The following MPP2 variants were observed in gnomAD, a reference collection of about 807,000 sequenced individuals.
MPP2 encodes the protein MAGUK p55 scaffold protein 2.
A neutral mutation model predicts 58.5 loss-of-function variants in MPP2; 42 were observed. The ratio of observed to expected loss-of-function variants is 0.72; its 90% CI spans 0.56 to 0.93. MPP2 has a LOEUF of 0.93. Ranked by LOEUF, MPP2 falls within the 40% of genes least tolerant of loss-of-function variation. The pLI, the probability that MPP2 is intolerant of heterozygous loss-of-function variation, is 0.00. For synonymous variants in MPP2, 300 were observed against 307.8 expected, an observed-to-expected ratio of 0.97 and a Z score of 0.26; for missense variants, 632 against 760.4, an observed-to-expected ratio of 0.83 and a Z score of 1.99.
chr17:43,881,057 G>C (rs2047090797), intron 9 of MPP2, 33 bp downstream of exon 9: 1 of 1,609,640 alleles, frequency 6.2e-7, no homozygotes, highest in Admixed American at 1.7e-5. Context: ...CCATGTTAGA[G>C]GAGGGTAAGG....
chr17:43,907,752 G>A (rs571687409), upstream of MPP2: 95 of 985,530 alleles, frequency 9.6e-5, 1 homozygote, highest in African/African-American at 1.5e-3. Context: ...GAAGGGTTAG[G>A]GAGGCAGGAC....
At chr17:43,902,542 C>G (rs2048136776) in intron 2 of MPP2, among the ~76,000 whole-genome samples, 1 of 152,200 alleles carries the variant, frequency 6.6e-6, no homozygotes, top group East Asian at 1.9e-4. Flanking sequence ...ACTGAGCCCT[C>G]TGATGCTGCA....
intron 2 of MPP2, among the ~76,000 whole-genome samples, chr17:43,900,941 A>G (rs2048073113): frequency 6.6e-6 from 1 of 151,788 alleles, no homozygotes; most frequent in African/African-American, 2.4e-5. Context: ...AGCCAGCTTC[A>G]GGAGACCCGA....
rs567753167 is a variant in MPP2, at chr17:43,882,810, T to C, written c.453+93A>G. Reference sequence around the variant, plus strand: ...CACAAAGCTGGCCCCATCTTCATCTTCAGACCACACTTGGCCTTTTTTGTC... The same window carrying C: ...CACAAAGCTGGCCCCATCTTCATCTCCAGACCACACTTGGCCTTTTTTGTC... On this transcript the variant is annotated intron_variant, in intron 5 of 12. Coordinates refer to ENST00000269095, the MANE Select transcript of MPP2 (RefSeq NM_005374.5). 4.8e-5 allele frequency: 76 copies of C among 1,568,982 alleles called. No homozygotes were observed. The African/African-American group carries it at 9.2e-4, about 19-fold the overall frequency.
intron 3 of MPP2, among the ~76,000 whole-genome samples, chr17:43,889,395 C>T (rs1415506856): frequency 1.3e-5 from 2 of 148,180 alleles, no homozygotes; most frequent in Non-Finnish European, 3.0e-5. Flanking sequence ...CAGAGTCTCG[C>T]TCTATCGCCC....
chr17:43,883,051 G>C lies in MPP2; in HGVS notation c.305C>G (p.Ser102Cys). 1.2e-6 allele frequency: 2 copies of C among 1,611,378 alleles called. No individual in the cohort carries two copies. Among genetic ancestry groups the C allele is most frequent in the Non-Finnish European group, 8.5e-7 (1 of 1,178,732 alleles). ...AHILQEPHFQ[S>C]LLETHDSVAS... Reference sequence around the variant, plus strand: ...CACAGAGTCGTGCGTCTCCAGGAGGGACTGGGGGGTGGTGGGAAGAGAAGG... The same window carrying C: ...CACAGAGTCGTGCGTCTCCAGGAGGCACTGGGGGGTGGTGGGAAGAGAAGG... The change falls in exon 5 of 13, where the codon TCC (serine) becomes TGC (cysteine). Residue 102 changes from serine to cysteine, a missense_variant and splice_region_variant. Ser to Cys is a moderately radical substitution (Grantham distance 112). Coordinates refer to ENST00000269095, the MANE Select transcript of MPP2 (RefSeq NM_005374.5).
intron 1 of MPP2, chr17:43,906,250 C>T: frequency 1.1e-5 from 6 of 523,058 alleles, no homozygotes; most frequent in Non-Finnish European, 1.5e-5. Flanking sequence ...CCCGGGGAAT[C>T]GGTTCCCAGA....
chr17:43,907,226 G>A (rs989665648), intron 1 of MPP2: 7 of 985,426 alleles, frequency 7.1e-6, no homozygotes, highest in African/African-American at 5.2e-5. Flanking sequence ...GGTGCCTGAA[G>A]CCACTTTGGA....
chr17:43,906,861 G>GC (rs780132225), intron 1 of MPP2, among the ~76,000 whole-genome samples: 2,254 of 74,608 alleles, frequency 0.03, 27 homozygotes, highest in Non-Finnish European at 0.041. Context: ...TATCCGCACC[G>GC]CCCCCCCCTT....
At chr17:43,898,216 T>TCC (rs2047931265) in intron 3 of MPP2, 46 bp downstream of exon 3, 1 of 1,464,388 alleles carries the variant, frequency 6.8e-7, no homozygotes, top group East Asian at 2.3e-5. Context: ...CTACTGTGCC[T>TCC]CCCCAAGCAC....
chr17:43,889,824 T>TTTTTTC (rs2047529072), intron 3 of MPP2, among the ~76,000 whole-genome samples: 1 of 106,452 alleles, frequency 9.4e-6, no homozygotes, highest in African/African-American at 3.4e-5. Flanking sequence ...TTTGTTTTTT[T>TTTTTTC]TTTTTTGAGA....
intron 12 of MPP2, among the ~76,000 whole-genome samples, chr17:43,878,375 G>A (rs1176105713): frequency 6.6e-6 from 1 of 152,194 alleles, no homozygotes; most frequent in Non-Finnish European, 1.5e-5. Context: ...CCTCAAGTCT[G>A]ACTAGGCTGC....
At chr17:43,902,727 G>T (rs892504339) in intron 2 of MPP2, among the ~76,000 whole-genome samples, 4 of 152,186 alleles carry the variant, frequency 2.6e-5, no homozygotes, top group Non-Finnish European at 5.9e-5. Flanking sequence ...GCAGTAGTGG[G>T]GCCTAGAGCA....
In MPP2 at chr17:43,905,931, G is replaced by A. The variant is rs148708930; in HGVS notation, c.-33-1438C>T. 2.9e-3 allele frequency: 571 copies of A among 194,628 alleles called. 1 individual carries two copies. The highest frequency in any genetic ancestry group is 5.1e-3 in the South Asian group (28 of 5,490). 12.1% of individuals were successfully genotyped at this position (194,628 alleles called of 1,614,324 possible). On this transcript the variant is annotated intron_variant, in intron 1 of 12. Coordinates refer to ENST00000269095, the MANE Select transcript of MPP2 (RefSeq NM_005374.5). ...GACATGGAATAAAGGTGCTTTCAGGGAGAGGAAGGGCACCCCTATTCAGGC... is the reference window on the plus strand; with the variant it reads ...GACATGGAATAAAGGTGCTTTCAGGAAGAGGAAGGGCACCCCTATTCAGGC...
intron 3 of MPP2, among the ~76,000 whole-genome samples, chr17:43,891,060 C>T (rs567840563): frequency 6.6e-6 from 1 of 152,336 alleles, no homozygotes; most frequent in African/African-American, 2.4e-5. Context: ...CTCTGCTTGT[C>T]ATGTCCCCTT....
intron 3 of MPP2, among the ~76,000 whole-genome samples, chr17:43,894,638 G>T (rs150983120): frequency 1.3e-5 from 1 of 77,200 alleles, no homozygotes; most frequent in Admixed American, 1.4e-4. Flanking sequence ...AAAAAAAAAA[G>T]CACACATAAC....
intron 3 of MPP2, among the ~76,000 whole-genome samples, chr17:43,895,472 A>G (rs1308568067): frequency 6.6e-6 from 1 of 152,072 alleles, no homozygotes; most frequent in African/African-American, 2.4e-5. Context: ...CATTATTAAC[A>G]TTTTGGAGAT....
rs1465596276 is a variant in MPP2 at position 43,879,346 on chromosome 17, G to C, written c.1411C>G (p.Pro471Ala). ...FVPYVVFIEA[P>A]DFETLRAMNR... ...ATGGCCCGCAGGGTCTCGAAGTCTG[G>C]GGCCTCGATGAACACCACGTAAGGG... Residue 471 changes from proline to alanine, a missense_variant, in exon 12 of 13, where the codon CCA becomes GCA. By Grantham distance (27) the Pro-to-Ala change is conservative. Transcript: ENST00000269095. This position sits in a 1 kb window ranked among gnomAD's most constrained non-coding sequence, Gnocchi z 4.1. 3 of 1,614,146 alleles carry C rather than the reference G, an allele frequency of 1.9e-6. No individual in the cohort carries two copies. Among genetic ancestry groups the C allele is most frequent in the Non-Finnish European group, 2.5e-6 (3 of 1,180,012 alleles).
At position 43,884,966 on chromosome 17, in the gene MPP2, TA is replaced by T. The variant is rs1182538787; in HGVS notation, c.151-1612del. 8.6e-5 allele frequency among the ~76,000 whole-genome samples: 13 copies of T among 151,890 alleles called. No individual in the cohort carries two copies. The East Asian group carries it at 2.3e-3, about 27-fold the overall frequency. On this transcript the variant is annotated intron_variant, in intron 3 of 12. Transcript: ENST00000269095. ...TGAAACCCCGTTTCTACTACAGATA[TA>T]AAAAATTAGCCTAGCATAGTGGTGG... is the stretch of plus-strand genomic sequence containing the variant.
Sources: gnomAD v4.1 joint callset for allele counts (sites outside exome capture counted in the v4.1 genomes callset) on GRCh38, gnomAD v4.1.1 for gene constraint, Gnocchi (gnomAD v3.1) non-coding constraint, MANE v1.5 for transcripts, NCBI Gene and HGNC (gene_info 2026-07-23, HGNC 2026-07-21) for gene names.